SLCO6A1: variants seen among roughly 807,000 people sequenced by gnomAD.
The protein encoded by SLCO6A1 is cancer/testis antigen 48.
SLCO6A1 carries 65 observed loss-of-function variants against 72.7 expected under a neutral mutation model. That is an observed-to-expected ratio of 0.89 (90% CI 0.73 to 1.10). SLCO6A1 has a LOEUF of 1.10. Among genes scored for constraint, SLCO6A1 ranks in the 50% least tolerant of loss-of-function variants. SLCO6A1 has a pLI of 0.00. For missense variants in SLCO6A1, 874 were observed against 872.6 expected (o/e 1.00, Z -0.02); for synonymous variants, 314 against 298.2 (o/e 1.05, Z -0.55).
chr5:102,459,216 C>T (rs2112758739), intron 5 of SLCO6A1, among the ~76,000 whole-genome samples: 1 of 152,100 alleles, frequency 6.6e-6, no homozygotes, highest in South Asian at 2.1e-4. Context: ...TTAAGACTAG[C>T]CTGCACAACA....
chr5:102,446,997 C>T (rs1414983138), intron 6 of SLCO6A1, among the ~76,000 whole-genome samples: 2 of 152,196 alleles, frequency 1.3e-5, no homozygotes, highest in Non-Finnish European at 2.9e-5. Flanking sequence ...TCGTGATTTG[C>T]CACCTCAGCC....
At chr5:102,455,007 AATAT>A (rs912771095) in intron 6 of SLCO6A1, among the ~76,000 whole-genome samples, 3 of 76,692 alleles carry the variant, frequency 3.9e-5, no homozygotes, top group Admixed American at 1.2e-4. Context: ...AATATATATA[AATAT>A]ATATATATAT....
intron 12 of SLCO6A1, among the ~76,000 whole-genome samples, chr5:102,383,094 G>GTGCGTGTGT: frequency 7.1e-6 from 1 of 140,818 alleles, no homozygotes; most frequent in Non-Finnish European, 1.5e-5. Flanking sequence ...ATATGTGTGT[G>GTGCGTGTGT]AATATATATA....
At chr5:102,444,092 G>C (rs562925041) in intron 6 of SLCO6A1, among the ~76,000 whole-genome samples, 13 of 152,272 alleles carry the variant, frequency 8.5e-5, no homozygotes, top group African/African-American at 2.9e-4. Context: ...CTTAGTAAGA[G>C]TCTGAAATAA....
intron 8 of SLCO6A1, 87 bp downstream of exon 8, chr5:102,419,739 G>A: frequency 2.0e-6 from 2 of 1,022,486 alleles, no homozygotes; most frequent in Non-Finnish European, 2.9e-6. Flanking sequence ...GAACATATAA[G>A]GGTTACTGGA....
intron 1 of SLCO6A1, among the ~76,000 whole-genome samples, chr5:102,486,523 T>A (rs1158532307): frequency 6.6e-6 from 1 of 152,102 alleles, no homozygotes; most frequent in Non-Finnish European, 1.5e-5. Flanking sequence ...TCAACTGAGG[T>A]TAATTTATAA....
At chr5:102,415,044 A>G (rs1425225520) in intron 8 of SLCO6A1, among the ~76,000 whole-genome samples, 3 of 152,080 alleles carry the variant, frequency 2.0e-5, no homozygotes, top group African/African-American at 7.2e-5. Context: ...AGAAAACTAC[A>G]AGAAAGTAAT....
chr5:102,465,566 T>G (rs1053970600), intron 4 of SLCO6A1, among the ~76,000 whole-genome samples: 1 of 152,106 alleles, frequency 6.6e-6, no homozygotes, highest in Non-Finnish European at 1.5e-5. Context: ...GAGAAACGCA[T>G]TATGTCTAAA....
chr5:102,384,251 T>G (rs1258638688), intron 12 of SLCO6A1, among the ~76,000 whole-genome samples: 2 of 151,966 alleles, frequency 1.3e-5, no homozygotes, highest in African/African-American at 2.4e-5. Context: ...TTGTTTCCCT[T>G]GCCCCTTGAG....
chr5:102,468,833 T>C (rs1245588440), intron 4 of SLCO6A1, among the ~76,000 whole-genome samples: 1 of 152,170 alleles, frequency 6.6e-6, no homozygotes, highest in African/African-American at 2.4e-5. Flanking sequence ...AGTTAATTTT[T>C]GTATACGGTG....
chr5:102,384,489 T>C (rs1307292093), intron 12 of SLCO6A1, among the ~76,000 whole-genome samples: 1 of 152,046 alleles, frequency 6.6e-6, no homozygotes, highest in Non-Finnish European at 1.5e-5. Context: ...TAAATCCTTT[T>C]AACTTTTTTA....
intron 12 of SLCO6A1, among the ~76,000 whole-genome samples, chr5:102,384,547 G>A (rs1746301256): frequency 6.6e-6 from 1 of 151,868 alleles, no homozygotes; most frequent in East Asian, 1.9e-4. Context: ...GGTTACCATA[G>A]GGTGTACATA....
At chr5:102,383,286 A>T (rs1746227716) in intron 12 of SLCO6A1, among the ~76,000 whole-genome samples, 1 of 151,398 alleles carries the variant, frequency 6.6e-6, no homozygotes, top group African/African-American at 2.4e-5. Flanking sequence ...TTTCCTGATC[A>T]TAAAGAGAAA....
intron 7 of SLCO6A1, among the ~76,000 whole-genome samples, chr5:102,420,982 G>T (rs1748564025): frequency 6.6e-6 from 1 of 152,122 alleles, no homozygotes; most frequent in South Asian, 2.1e-4. Context: ...CAGAAGCAGG[G>T]TGGGGAATCA....
Position 102,390,964 on chromosome 5 carries a change from T to C in SLCO6A1, c.1879+17A>G. 6.2e-7 allele frequency: 1 copy of C among 1,612,240 alleles called. No homozygotes were observed. Among genetic ancestry groups the C allele is most frequent in the Non-Finnish European group, 8.5e-7 (1 of 1,178,662 alleles). On this transcript the variant is annotated intron_variant, in intron 11 of 13. Transcript: ENST00000506729. ...AAAAACATTTTGATGTAATAAGAGATTGCCAAAAATCCATACCAAATATTC... is the reference window on the plus strand; with the variant it reads ...AAAAACATTTTGATGTAATAAGAGACTGCCAAAAATCCATACCAAATATTC...
chr5:102,380,970 TA>T (rs1235711164), intron 12 of SLCO6A1, among the ~76,000 whole-genome samples: 4 of 151,846 alleles, frequency 2.6e-5, no homozygotes, highest in African/African-American at 9.7e-5. Context: ...GACAAATAAA[TA>T]AAAAGGGTAT....
intron 12 of SLCO6A1, among the ~76,000 whole-genome samples, chr5:102,377,119 T>C (rs1942074631): frequency 6.6e-6 from 1 of 152,036 alleles, no homozygotes; most frequent in Admixed American, 6.6e-5. Context: ...ACCCATGATC[T>C]CTCCACTTCA....
In SLCO6A1 at chr5:102,479,168, G is replaced by A. The variant is rs150025026; in HGVS notation, c.616+1009C>T. Among the ~76,000 whole-genome samples the A allele has an allele frequency of 5.8e-3, 881 of 152,176 alleles. 5 individuals carry two copies. The highest frequency in any genetic ancestry group is 0.02 in the African/African-American group (827 of 41,524). On this transcript the variant is annotated intron_variant, in intron 2 of 13. Coordinates refer to ENST00000506729, the MANE Select transcript of SLCO6A1 (RefSeq NM_173488.5). Reference sequence around the variant, plus strand: ...AGCAGATTTCCCCCTTGCTGTTCTCGTGATAGTGAGTGAGTTCTCACATGA... The same window carrying A: ...AGCAGATTTCCCCCTTGCTGTTCTCATGATAGTGAGTGAGTTCTCACATGA...
Position 102,439,529 on chromosome 5 carries a change from C to A in SLCO6A1, c.1132-768G>T, listed in dbSNP as rs113738179. Among the ~76,000 whole-genome samples, 27 of 152,180 alleles carry A rather than the reference C, an allele frequency of 1.8e-4. No homozygotes were observed. In the South Asian group the frequency reaches 4.1e-3, roughly 23 times the overall value. On this transcript the variant is annotated intron_variant, in intron 6 of 13. Coordinates refer to ENST00000506729, the MANE Select transcript of SLCO6A1 (RefSeq NM_173488.5). ...CCCTGTTAGGTATGATCATAGTCTGCAAACTCAACTAGTTCAAATTCTCAG... is the reference window on the plus strand; with the variant it reads ...CCCTGTTAGGTATGATCATAGTCTGAAAACTCAACTAGTTCAAATTCTCAG...
Sources: gnomAD v4.1 joint callset for allele counts (sites outside exome capture counted in the v4.1 genomes callset) on GRCh38, gnomAD v4.1.1 for gene constraint, MANE v1.5 for transcripts, NCBI Gene and HGNC (gene_info 2026-07-23, HGNC 2026-07-21) for gene names.